Variants in MYO16 observed in about 807,000 individuals in gnomAD.
MYO16 encodes unconventional myosin-XVI.
A neutral mutation model predicts 205.3 loss-of-function variants in MYO16; 94 were observed. The observed-to-expected ratio is 0.46, with a 90% confidence interval of 0.39 to 0.54. The LOEUF is 0.54. Among genes scored for constraint, MYO16 ranks in the 20% least tolerant of loss-of-function variants. The probability of loss-of-function intolerance (pLI) is 0.00; values close to 1 mark genes in which losing one functional copy is unlikely to be tolerated. For missense variants in MYO16, 2,315 were observed against 2,387.5 expected (o/e 0.97, Z 0.63); for synonymous variants, 988 against 954.0 (o/e 1.04, Z -0.66).
At chr13:108,705,778 T>G (rs953461927) in intron 2 of MYO16, among the ~76,000 whole-genome samples, 1 of 152,054 alleles carries the variant, frequency 6.6e-6, no homozygotes, top group Non-Finnish European at 1.5e-5. Context: ...ATAAACCACA[T>G]GAAACGAAAA....
intron 20 of MYO16, among the ~76,000 whole-genome samples, chr13:108,969,916 C>T (rs144609219): frequency 1.7e-3 from 253 of 152,316 alleles, no homozygotes; most frequent in African/African-American, 5.6e-3. Flanking sequence ...AACACTTCTC[C>T]TCTTTCATGG....
At chr13:108,583,018 A>G in the MYO16 span, among the ~76,000 whole-genome samples, 2,453 of 152,312 alleles carry the variant, frequency 0.016, 52 homozygotes, top group South Asian at 0.087. Context: ...AATGCAACAG[A>G]TAAAGTTTAT....
chr13:108,561,895 C>A, the MYO16 span, among the ~76,000 whole-genome samples: 1 of 152,134 alleles, frequency 6.6e-6, no homozygotes, highest in Non-Finnish European at 1.5e-5. Flanking sequence ...AAAATGGAAT[C>A]TCAGGAGACA....
chr13:108,737,463 C>A lies in MYO16; in HGVS notation c.507+9880C>A, dbSNP rs536268326. 3.9e-4 allele frequency among the ~76,000 whole-genome samples: 59 copies of A among 152,308 alleles called. 2 individuals carry two copies. In the East Asian group the frequency reaches 7.9e-3, roughly 20 times the overall value. Reference sequence around the variant, plus strand: ...ATTTAATGATTTGTGTATGTTGAATCAGCCTTGCATCCCAGGGATGAAGCC... The same window carrying A: ...ATTTAATGATTTGTGTATGTTGAATAAGCCTTGCATCCCAGGGATGAAGCC... On this transcript the variant is annotated intron_variant, in intron 4 of 34. Transcript: ENST00000457511.
At chr13:108,905,565 G>T (rs1050172313) in intron 15 of MYO16, among the ~76,000 whole-genome samples, 5 of 152,158 alleles carry the variant, frequency 3.3e-5, no homozygotes, top group African/African-American at 1.2e-4. Flanking sequence ...CTATTGACCA[G>T]ATAAGTTCTC....
At chr13:109,196,184 TTACAG>T (rs1394175054) in intron 34 of MYO16, among the ~76,000 whole-genome samples, 2 of 152,338 alleles carry the variant, frequency 1.3e-5, no homozygotes, top group South Asian at 2.1e-4. Context: ...ACAAGATTCT[TTACAG>T]TAAAGTACAG....
intron 4 of MYO16, among the ~76,000 whole-genome samples, chr13:108,732,806 T>C (rs377216259): frequency 6.6e-6 from 1 of 152,118 alleles, no homozygotes; most frequent in South Asian, 2.1e-4. Context: ...AGACTAGAAG[T>C]GGTGGAGGTG....
intron 7 of MYO16, among the ~76,000 whole-genome samples, chr13:108,811,339 A>G (rs1887285100): frequency 6.6e-6 from 1 of 152,038 alleles, no homozygotes; most frequent in African/African-American, 2.4e-5. Flanking sequence ...CCCTCTGACC[A>G]GGGAGTATTA....
At chr13:108,875,450 G>A (rs1054089166) in intron 12 of MYO16, among the ~76,000 whole-genome samples, 3 of 152,152 alleles carry the variant, frequency 2.0e-5, no homozygotes, top group Non-Finnish European at 2.9e-5. Context: ...ATTATATTAT[G>A]TATAAAGCAT....
intron 23 of MYO16, among the ~76,000 whole-genome samples, chr13:109,033,267 G>A (rs930168132): frequency 1.3e-5 from 2 of 152,162 alleles, no homozygotes; most frequent in African/African-American, 4.8e-5. Flanking sequence ...AGCATGCTGA[G>A]ACCCATTAGG....
chr13:108,680,362 G>C (rs1882411114), intron 2 of MYO16, among the ~76,000 whole-genome samples: 1 of 152,172 alleles, frequency 6.6e-6, no homozygotes, highest in Admixed American at 6.5e-5. Flanking sequence ...GCTAGCAACT[G>C]TTTCTACAAT....
chr13:108,755,846 G>A (rs9583286), intron 4 of MYO16, among the ~76,000 whole-genome samples: 5,293 of 152,202 alleles, frequency 0.035, 313 homozygotes, highest in African/African-American at 0.12. Context: ...AGTGCTATGG[G>A]ATAAAAACTT....
At chr13:108,497,774 G>A in the MYO16 span, among the ~76,000 whole-genome samples, 2 of 152,182 alleles carry the variant, frequency 1.3e-5, no homozygotes, top group Non-Finnish European at 1.5e-5. Flanking sequence ...AATGCTTGAA[G>A]ATACAAGCCC....
intron 23 of MYO16, among the ~76,000 whole-genome samples, chr13:109,020,765 C>T (rs1201085545): frequency 6.6e-6 from 1 of 152,110 alleles, no homozygotes; most frequent in Non-Finnish European, 1.5e-5. Context: ...GTACAGATGG[C>T]GTGCTAGAGG....
At chr13:109,018,362 T>C (rs1245901924) in intron 22 of MYO16, among the ~76,000 whole-genome samples, 1 of 152,196 alleles carries the variant, frequency 6.6e-6, no homozygotes, top group Non-Finnish European at 1.5e-5. Flanking sequence ...CTGGAAGCTT[T>C]GTCTCAGAGG....
At chr13:108,924,603 G>C (rs1424726635) in intron 16 of MYO16, among the ~76,000 whole-genome samples, 1 of 152,144 alleles carries the variant, frequency 6.6e-6, no homozygotes, top group Non-Finnish European at 1.5e-5. Context: ...GTTCCCAGAC[G>C]TACCCTGCTT....
chr13:108,880,194 C>G (rs1325279850), intron 12 of MYO16, among the ~76,000 whole-genome samples: 1 of 152,152 alleles, frequency 6.6e-6, no homozygotes, highest in Non-Finnish European at 1.5e-5. Flanking sequence ...CCTTTGGCCA[C>G]TTTTTGATGG....
At chr13:108,870,469 C>T (rs1364984714) in intron 12 of MYO16, among the ~76,000 whole-genome samples, 1 of 151,978 alleles carries the variant, frequency 6.6e-6, no homozygotes, top group African/African-American at 2.4e-5. Context: ...TGGTGTTTCT[C>T]TCTTAAATGT....
At chr13:109,098,660 G>A (rs1888856513) in intron 27 of MYO16, among the ~76,000 whole-genome samples, 1 of 152,050 alleles carries the variant, frequency 6.6e-6, no homozygotes, top group South Asian at 2.1e-4. Context: ...GGTTTCGCTG[G>A]GATTCAGAAA....
Sources: gnomAD v4.1 joint callset for allele counts (sites outside exome capture counted in the v4.1 genomes callset) on GRCh38, gnomAD v4.1.1 for gene constraint, MANE v1.5 for transcripts, NCBI Gene and HGNC (gene_info 2026-07-23, HGNC 2026-07-21) for gene names.